ATP7B: variants seen among roughly 807,000 people sequenced by gnomAD.
ATP7B encodes the protein copper-transporting ATPase 2.
ATP7B carries 113 observed loss-of-function variants against 118.9 expected under a neutral mutation model. The ratio of observed to expected loss-of-function variants is 0.95; its 90% CI spans 0.82 to 1.11. ATP7B has a LOEUF of 1.11. Ranked by LOEUF, ATP7B falls within the 50% of genes most tolerant of loss-of-function variation. The probability of loss-of-function intolerance (pLI) is 0.00; values close to 1 mark genes in which losing one functional copy is unlikely to be tolerated. For synonymous variants in ATP7B, 777 were observed against 727.4 expected, an observed-to-expected ratio of 1.07 and a Z score of -1.10; for missense variants, 1,867 against 1,871.4, an observed-to-expected ratio of 1.00 and a Z score of 0.04.
intron 2 of ATP7B, 37 bp from the exon 3 acceptor site, chr13:51,970,786 A>G: frequency 6.2e-7 from 1 of 1,606,118 alleles, no homozygotes; most frequent in South Asian, 1.1e-5. Context: ...AAATTAGAAG[A>G]GCAAATAATA....
chr13:52,011,604 G>T (rs1209129710), upstream of ATP7B: 1 of 586,356 alleles, frequency 1.7e-6, no homozygotes, highest in Non-Finnish European at 3.1e-6. Context: ...GAGCGTGAGG[G>T]GAGAGTGGGC....
At chr13:51,939,660 C>CT (rs11383532) in intron 16 of ATP7B, among the ~76,000 whole-genome samples, 85,640 of 151,994 alleles carry the variant, frequency 0.56, 24,251 homozygotes, top group Middle Eastern at 0.64. Flanking sequence ...TTGAGTGAAT[C>CT]TTAGCTATAG....
chr13:51,953,292 G>A (rs1208139013), intron 9 of ATP7B, among the ~76,000 whole-genome samples: 1 of 152,178 alleles, frequency 6.6e-6, no homozygotes, highest in East Asian at 1.9e-4. Context: ...AGAAGCCCAA[G>A]TCGGGAGGAG....
rs372668480 is a variant in ATP7B, at chr13:51,995,401, A to T, written c.51+15886T>A. The T allele has an allele frequency of 2.2e-3, 2,006 of 931,560 alleles. 2 individuals are homozygous for T. The highest frequency in any genetic ancestry group is 2.4e-3 in the Non-Finnish European group (1,888 of 780,958). The allele number at this position is 931,560 out of a possible 1,614,324, so 57.7% of individuals were successfully genotyped here. A position where few individuals can be genotyped will look rare whatever the true frequency, so the allele number is the denominator to read the frequency against. On this transcript the variant is annotated intron_variant, in intron 1 of 20. Transcript: ENST00000242839. The stretch of plus-strand genomic sequence containing the variant: ...ACGGTGGAGTGCCTTCCTCCACAGT[A>T]GACACTGGCCTGGCTGAATGCCTAA...
chr13:52,012,048 G>T, upstream of ATP7B: 1 of 444,624 alleles, frequency 2.2e-6, no homozygotes, highest in Non-Finnish European at 4.2e-6. Context: ...GTGCGCAAAG[G>T]CCAGCCAATG....
rs370476756 is a variant in ATP7B at position 51,964,902 on chromosome 13, G to A, written c.1839C>T (p.Ile613=). ...TAATTTTGATAATATCCCGTGGACCGATAATTTCCGGGTCAAACTTAACAA... is the reference window on the plus strand; with the variant it reads ...TAATTTTGATAATATCCCGTGGACCAATAATTTCCGGGTCAAACTTAACAA... ...KALVKFDPEI[I]GPRDIIKIIE... is the part of the protein sequence containing the mutation. Residue 613 remains isoleucine, a synonymous_variant, in exon 5 of 21, where the codon ATC becomes ATT. Coordinates refer to ENST00000242839, the MANE Select transcript of ATP7B (RefSeq NM_000053.4). 8.1e-5 allele frequency: 130 copies of A among 1,613,980 alleles called. No homozygotes were observed. The highest frequency in any genetic ancestry group is 2.2e-4 in the Admixed American group (13 of 60,000).
rs1324203873 is a variant in ATP7B at position 51,941,099 on chromosome 13, T to C, written c.3538A>G (p.Ile1180Val). 1.2e-6 allele frequency: 2 copies of C among 1,614,224 alleles called. No individual in the cohort carries two copies. Among genetic ancestry groups the C allele is most frequent in the South Asian group, 1.1e-5 (1 of 91,082 alleles). Residue 1180 changes from isoleucine (I) to valine (V), a missense_variant, in exon 16 of 21, where the codon ATC becomes GTC. Physicochemically the swap from Ile to Val is conservative, Grantham distance 29. Coordinates refer to ENST00000242839, the MANE Select transcript of ATP7B (RefSeq NM_000053.4). Reference protein sequence around the residue: ...TDHEMKGQTAILVAIDGVLCG... With the variant: ...TDHEMKGQTAVLVAIDGVLCG... ...AAGATACCGTCAATAGCCACCAGGATGGCTGTCTGTCCTTTCATCTCGTGG... is the reference window on the plus strand; with the variant it reads ...AAGATACCGTCAATAGCCACCAGGACGGCTGTCTGTCCTTTCATCTCGTGG...
intron 16 of ATP7B, among the ~76,000 whole-genome samples, chr13:51,940,335 A>G (rs1237434109): frequency 1.4e-5 from 2 of 140,268 alleles, no homozygotes; most frequent in African/African-American, 2.5e-5. Flanking sequence ...TGAGACCTGT[A>G]CTCTGTGCGA....
intron 9 of ATP7B, among the ~76,000 whole-genome samples, chr13:51,953,899 T>C (rs147336653): frequency 0.015 from 2,039 of 137,222 alleles, 65 homozygotes; most frequent in Admixed American, 0.087. Flanking sequence ...AGACTGGGGA[T>C]GGGGCTGTGC....
intron 14 of ATP7B, among the ~76,000 whole-genome samples, chr13:51,943,516 A>G (rs1007018736): frequency 6.6e-6 from 1 of 152,186 alleles, no homozygotes; most frequent in African/African-American, 2.4e-5. Context: ...AGGCTGTTTA[A>G]AAGTTGTCAG....
At chr13:51,940,338 CTG>C (rs1384748914) in intron 16 of ATP7B, among the ~76,000 whole-genome samples, 1 of 142,800 alleles carries the variant, frequency 7.0e-6, no homozygotes, top group African/African-American at 2.5e-5. Flanking sequence ...GACCTGTACT[CTG>C]TGCGACACCA....
intron 4 of ATP7B, chr13:51,967,284 A>G (rs1593761269): frequency 5.5e-6 from 4 of 721,222 alleles, no homozygotes; most frequent in East Asian, 5.4e-5. Flanking sequence ...AACATTTTAC[A>G]TGCAGTTATT....
chr13:51,987,684 A>C (rs1249006597), intron 1 of ATP7B, among the ~76,000 whole-genome samples: 1 of 152,240 alleles, frequency 6.6e-6, no homozygotes, highest in Non-Finnish European at 1.5e-5. Context: ...TATAGTAACC[A>C]AAACAGCATG....
intron 2 of ATP7B, among the ~76,000 whole-genome samples, chr13:51,973,729 C>G (rs1282793480): frequency 1.3e-5 from 2 of 152,240 alleles, no homozygotes; most frequent in African/African-American, 4.8e-5. Flanking sequence ...AAAATCCCAA[C>G]TACATGAAAA....
chr13:51,995,903 T>A (rs1284602465), intron 1 of ATP7B, among the ~76,000 whole-genome samples: 1 of 152,204 alleles, frequency 6.6e-6, no homozygotes, highest in Admixed American at 6.5e-5. Flanking sequence ...GGCCAAGGTG[T>A]CCATGAGCAC....
At position 51,944,202 on chromosome 13, in the gene ATP7B, T is replaced by C. The variant is rs771897428; in HGVS notation, c.3150A>G (p.Thr1050=). The change falls in exon 14 of 21, where the codon ACA becomes ACG. Residue 1050 remains threonine, a synonymous_variant. Transcript: ENST00000242839. ...CAGCCAGAACCTTCCTGAGGGGCAG[T>C]GTGGCCACATCCCCCAGCAGGAGCA... ...MRVLLLGDVA[T]LPLRKVLAVV... 2 of 1,614,130 alleles carry C rather than the reference T, an allele frequency of 1.2e-6. No homozygotes were observed. The highest frequency in any genetic ancestry group is 1.7e-5 in the Admixed American group (1 of 60,018).
intron 9 of ATP7B, 63 bp from the exon 10 acceptor site, chr13:51,950,462 G>T: frequency 6.2e-7 from 1 of 1,607,458 alleles, no homozygotes; most frequent in East Asian, 2.2e-5. Context: ...CAGGTTCTAG[G>T]CCAGCTGTTA....
chr13:51,969,306 T>C (rs892968009), intron 3 of ATP7B, among the ~76,000 whole-genome samples: 4 of 152,024 alleles, frequency 2.6e-5, no homozygotes, highest in Non-Finnish European at 5.9e-5. Context: ...AGTCTGCAGG[T>C]CCATCCAGCT....
chr13:51,937,755 C>G, intron 17 of ATP7B, 76 bp from the exon 18 acceptor site: 3 of 1,529,256 alleles, frequency 2.0e-6, no homozygotes, highest in Admixed American at 3.4e-5. Context: ...GTTACCCTTG[C>G]CCCCTCTGCC....
Sources: allele counts gnomAD v4.1 joint callset (sites outside exome capture counted in the v4.1 genomes callset), GRCh38; gene constraint gnomAD v4.1.1; transcripts MANE v1.5; gene names NCBI Gene and HGNC (gene_info 2026-07-23, HGNC 2026-07-21).